Variants in STEAP1B observed in about 807,000 individuals in gnomAD.
STEAP1B encodes STEAP family member 1B, also known as STEAP family protein MGC87042.
In STEAP1B, 13 loss-of-function variants were observed where a neutral mutation model predicts 27.9. The ratio of observed to expected loss-of-function variants is 0.47; its 90% CI spans 0.30 to 0.74. The LOEUF (loss-of-function observed/expected upper bound fraction) is 0.74. Among genes scored for constraint, STEAP1B ranks in the 30% least tolerant of loss-of-function variants. The pLI, the probability that STEAP1B is intolerant of heterozygous loss-of-function variation, is 0.06. For synonymous variants in STEAP1B, 86 were observed against 107.1 expected (o/e 0.80, Z 1.22); for missense variants, 250 against 298.7 (o/e 0.84, Z 1.20).
chr7:22,457,168 GT>G (rs1185100520), intron 4 of STEAP1B, among the ~76,000 whole-genome samples: 1 of 151,338 alleles, frequency 6.6e-6, no homozygotes, highest in Non-Finnish European at 1.5e-5. Context: ...GTGCTGCAAA[GT>G]GAGCATTAGA....
chr7:22,496,353 T>C (rs940667663), intron 1 of STEAP1B, among the ~76,000 whole-genome samples: 1 of 152,160 alleles, frequency 6.6e-6, no homozygotes, highest in African/African-American at 2.4e-5. Context: ...CTAAAGTTAA[T>C]GTATTATTAA....
chr7:22,499,069 G>C (rs1375825615), intron 1 of STEAP1B, among the ~76,000 whole-genome samples: 1 of 152,198 alleles, frequency 6.6e-6, no homozygotes, highest in African/African-American at 2.4e-5. Context: ...TTCATAAAAA[G>C]AAAAATAACA....
intron 1 of STEAP1B, among the ~76,000 whole-genome samples, chr7:22,496,220 GGAGT>G (rs1381738850): frequency 1.3e-5 from 2 of 152,058 alleles, no homozygotes; most frequent in African/African-American, 4.8e-5. Context: ...AAAAGCTTAA[GGAGT>G]AAGTATATAA....
chr7:22,427,849 C>T (rs183392289), intron 4 of STEAP1B, among the ~76,000 whole-genome samples: 5 of 152,174 alleles, frequency 3.3e-5, no homozygotes, highest in Admixed American at 2.0e-4. Flanking sequence ...AGGAAAGGTA[C>T]GAGTAGAGAA....
chr7:22,439,844 C>T (rs1785305632), intron 4 of STEAP1B, among the ~76,000 whole-genome samples: 1 of 151,984 alleles, frequency 6.6e-6, no homozygotes, highest in African/African-American at 2.4e-5. Flanking sequence ...ATCCAACCAC[C>T]CTCTACACCC....
chr7:22,429,144 T>C (rs1240886216), intron 4 of STEAP1B, among the ~76,000 whole-genome samples: 1 of 152,220 alleles, frequency 6.6e-6, no homozygotes, highest in African/African-American at 2.4e-5. Context: ...TGAAGGTGCA[T>C]ATACCCTACA....
Position 22,419,714 on chromosome 7 carries a change from A to C in STEAP1B, c.*90T>G. 1 of 1,414,510 alleles carries C rather than the reference A, an allele frequency of 7.1e-7. No homozygotes were observed. The highest frequency in any genetic ancestry group is 9.5e-7 in the Non-Finnish European group (1 of 1,053,974). 87.6% of individuals were successfully genotyped at this position (1,414,510 alleles called of 1,614,324 possible). ...ATGGCTGTTCATTGTGGCAGAGGGA[A>C]AGGGCACTGGGTGGTGTTCTGCATG... On this transcript the variant is annotated 3_prime_UTR_variant, in exon 5 of 5. Transcript: ENST00000678116.
At chr7:22,477,981 C>T (rs1786002164) in intron 4 of STEAP1B, among the ~76,000 whole-genome samples, 1 of 152,158 alleles carries the variant, frequency 6.6e-6, no homozygotes, top group African/African-American at 2.4e-5. Context: ...CTACTCCGTG[C>T]CAAGGTGCTG....
intron 4 of STEAP1B, chr7:22,492,349 G>GAAAAAAA (rs1371957621): frequency 5.4e-6 from 1 of 185,132 alleles, no homozygotes; most frequent in Non-Finnish European, 9.1e-6. Flanking sequence ...AAAAAAAAAG[G>GAAAAAAA]ATATTTTAAT....
intron 4 of STEAP1B, among the ~76,000 whole-genome samples, chr7:22,486,793 A>G (rs953962154): frequency 5.9e-5 from 9 of 151,992 alleles, no homozygotes; most frequent in African/African-American, 2.2e-4. Context: ...CTTTCTAGCC[A>G]CACTGGCCAC....
intron 4 of STEAP1B, among the ~76,000 whole-genome samples, chr7:22,450,599 G>GTTTTTTT (rs143262366): frequency 7.2e-6 from 1 of 138,660 alleles, no homozygotes; most frequent in African/African-American, 2.7e-5. Context: ...CTGTAGTTTT[G>GTTTTTTT]TTTTTTTTTT....
At chr7:22,482,977 T>C (rs1001250827) in intron 4 of STEAP1B, among the ~76,000 whole-genome samples, 5 of 151,390 alleles carry the variant, frequency 3.3e-5, no homozygotes, top group Non-Finnish European at 1.5e-5. Context: ...ACCTTGTCCA[T>C]TGACTGCCAG....
chr7:22,456,064 G>A (rs535394549), intron 4 of STEAP1B, among the ~76,000 whole-genome samples: 39 of 152,014 alleles, frequency 2.6e-4, no homozygotes, highest in African/African-American at 8.9e-4. Flanking sequence ...GGAGAATGGC[G>A]TGAACCCAGG....
chr7:22,456,104 G>A lies in STEAP1B; in HGVS notation c.763-36268C>T, dbSNP rs559386493. Among the ~76,000 whole-genome samples, 10 of 151,458 alleles carry A rather than the reference G, an allele frequency of 6.6e-5. No homozygotes were observed. The East Asian group carries it at 1.2e-3, about 18-fold the overall frequency. On this transcript the variant is annotated intron_variant, in intron 4 of 4. Transcript: ENST00000678116. ...AGAGCTTGCAGTGAGCTGAGATTGC[G>A]CCACTGCCCTCCGGCCTGGGCAACA...
At chr7:22,449,030 A>G (rs918726838) in intron 4 of STEAP1B, among the ~76,000 whole-genome samples, 2 of 152,180 alleles carry the variant, frequency 1.3e-5, no homozygotes, top group Middle Eastern at 3.2e-3. Flanking sequence ...TAGTAGGTGT[A>G]TGTATTTATG....
chr7:22,472,725 T>A (rs1026617303), intron 4 of STEAP1B, among the ~76,000 whole-genome samples: 2 of 152,306 alleles, frequency 1.3e-5, no homozygotes, highest in African/African-American at 4.8e-5. Context: ...CAGATCTTTC[T>A]GCACCTACCC....
intron 4 of STEAP1B, among the ~76,000 whole-genome samples, chr7:22,459,733 C>T (rs1386098741): frequency 1.3e-5 from 2 of 152,112 alleles, no homozygotes; most frequent in Admixed American, 6.6e-5. Context: ...TTTTAAAACT[C>T]GTATCATAAA....
chr7:22,425,757 C>CTCCT (rs148923287), intron 4 of STEAP1B, among the ~76,000 whole-genome samples: 6,243 of 152,304 alleles, frequency 0.041, 167 homozygotes, highest in Non-Finnish European at 0.055. Context: ...AGGAAATGGC[C>CTCCT]TCCTGCCTTA....
chr7:22,448,300 T>C (rs1308128412), intron 4 of STEAP1B, among the ~76,000 whole-genome samples: 2 of 152,206 alleles, frequency 1.3e-5, no homozygotes, highest in African/African-American at 2.4e-5. Flanking sequence ...GGAATATAGA[T>C]ACCAATTATA....
Sources: gnomAD v4.1 joint callset for allele counts (sites outside exome capture counted in the v4.1 genomes callset) on GRCh38, gnomAD v4.1.1 for gene constraint, MANE v1.5 for transcripts, NCBI Gene and HGNC (gene_info 2026-07-23, HGNC 2026-07-21) for gene names.